The following SAMD9 variants were observed in gnomAD, a reference collection of about 807,000 sequenced individuals.
SAMD9 encodes sterile alpha motif domain containing 9.
Under a neutral mutation model 1.5 loss-of-function variants are expected in SAMD9, and 3 were observed. The observed-to-expected ratio is 2.05, with a 90% CI of 0.93 to 5.29. The LOEUF (loss-of-function observed/expected upper bound fraction) is 5.29. Ranked by LOEUF, SAMD9 falls within the 30% of genes most tolerant of loss-of-function variation. The pLI is 0.02. For missense variants in SAMD9, 1,597 were observed against 1,820.8 expected (o/e 0.88, Z 2.24); for synonymous variants, 635 against 631.9 (o/e 1.00, Z -0.07).
intron 2 of SAMD9, among the ~76,000 whole-genome samples, chr7:93,113,076 A>G (rs1366943806): frequency 6.6e-6 from 1 of 152,222 alleles, no homozygotes; most frequent in Non-Finnish European, 1.5e-5. Flanking sequence ...ACAGTAACCA[A>G]AACAGCATGG....
In SAMD9 at chr7:93,102,299, A is replaced by G; in HGVS notation, c.3799T>C (p.Ser1267Pro). The change falls in exon 3 of 3, where the codon TCC becomes CCC. Residue 1267 changes from serine to proline, a missense_variant. Transcript: ENST00000379958. ...LTKLKFSLKK[S>P]FDFFDEYFVL... is the part of the protein sequence containing the mutation. ...AAGTATTCATCAAAAAAATCAAAGG[A>G]CTTTTTCAAAGAAAATTTCAATTTA... 1 of 1,611,390 alleles carries G rather than the reference A, an allele frequency of 6.2e-7. No homozygotes were observed. Among genetic ancestry groups the G allele is most frequent in the Non-Finnish European group, 8.5e-7 (1 of 1,177,910 alleles).
rs1323260181 is a variant in SAMD9, at chr7:93,104,449, T to A, written c.1649A>T (p.Asp550Val). The A allele has an allele frequency of 1.9e-6, 3 of 1,613,866 alleles. No homozygotes were observed. The highest frequency in any genetic ancestry group is 2.5e-6 in the Non-Finnish European group (3 of 1,179,870). The change falls in exon 3 of 3, where the codon GAT (aspartate) becomes GTT (valine). Residue 550 changes from aspartate to valine, a missense_variant. Physicochemically the swap from Asp to Val is radical, Grantham distance 152 (BLOSUM62 -3). This residue lies in a region of SAMD9 where 358 missense variants were observed against 460.4 expected (regional missense o/e 0.78). Transcript: ENST00000379958. ...CTCAATGAGGGGATCTCTTGGGTCA[T>A]CCACAGAGGACAGTAATAGAAATAC... ...LVVFLLLSSVDDPRDPLIETF... is the reference protein window; with the variant it reads ...LVVFLLLSSVVDPRDPLIETF...
intron 2 of SAMD9, among the ~76,000 whole-genome samples, chr7:93,110,106 C>A (rs1156532108): frequency 6.6e-6 from 1 of 152,222 alleles, no homozygotes; most frequent in African/African-American, 2.4e-5. Context: ...AACAGCAGAT[C>A]TCTTGGCAGA....
intron 2 of SAMD9, among the ~76,000 whole-genome samples, chr7:93,114,000 G>A (rs991084734): frequency 2.2e-4 from 33 of 152,188 alleles, no homozygotes; most frequent in Non-Finnish European, 3.1e-4. Context: ...ACATGCACAC[G>A]TATGTTTATT....
intron 2 of SAMD9, among the ~76,000 whole-genome samples, chr7:93,110,424 A>G (rs534325275): frequency 2.0e-5 from 3 of 152,334 alleles, no homozygotes; most frequent in South Asian, 4.1e-4. Flanking sequence ...ACCAGCTAAC[A>G]TCATAATGAC....
At chr7:93,112,807 C>A (rs915527585) in intron 2 of SAMD9, among the ~76,000 whole-genome samples, 1 of 152,096 alleles carries the variant, frequency 6.6e-6, no homozygotes, top group Non-Finnish European at 1.5e-5. Flanking sequence ...TAAAAGAGGA[C>A]ACAAACAAAT....
chr7:93,102,849 G>C lies in SAMD9; in HGVS notation c.3249C>G (p.Phe1083Leu). Residue 1083 changes from phenylalanine to leucine, a missense_variant, in exon 3 of 3, where the codon TTC (phenylalanine) becomes TTG (leucine). Physicochemically the swap from Phe to Leu is conservative, Grantham distance 22. Around this residue, in one of 6 missense-constraint regions of SAMD9, gnomAD observed 682 missense variants for 810.0 expected, o/e 0.84. Transcript: ENST00000379958. ...ESIHRFNPNA[F>L]ICQALARHFY... ...AATGTCTTGCCAACGCTTGGCAAAT[G>C]AATGCATTTGGGTTGAACCGATGGA... 6.2e-7 allele frequency: 1 copy of C among 1,613,842 alleles called. No individual in the cohort carries two copies. The highest frequency in any genetic ancestry group is 8.5e-7 in the Non-Finnish European group (1 of 1,179,804).
intron 1 of SAMD9, among the ~76,000 whole-genome samples, chr7:93,115,394 GCAA>G (rs750296373): frequency 1.3e-5 from 2 of 152,120 alleles, no homozygotes; most frequent in Non-Finnish European, 2.9e-5. Context: ...ACTGATACAG[GCAA>G]CAACATGAAT....
At position 93,111,303 on chromosome 7, in the gene SAMD9, A is replaced by G. The variant is rs192235281; in HGVS notation, c.-9+3492T>C. 1.2e-3 allele frequency among the ~76,000 whole-genome samples: 181 copies of G among 152,372 alleles called. 1 individual carries two copies. The highest frequency in any genetic ancestry group is 4.2e-3 in the African/African-American group (173 of 41,582). On this transcript the variant is annotated intron_variant, in intron 2 of 2. Coordinates refer to ENST00000379958, the MANE Select transcript of SAMD9 (RefSeq NM_017654.4). The stretch of plus-strand genomic sequence containing the variant: ...ACCAGAATCTCTGGGACACATTTAA[A>G]GCAGTGTGTCGAGGGAAATTTATAC...
At position 93,101,726 on chromosome 7, in the gene SAMD9, G is replaced by A; in HGVS notation, c.4372C>T (p.Gln1458Ter). Reference sequence around the variant, plus strand: ...CCCTTGAAAGAATTTTTTAGTGCTTGAGCATACTCTTTCATTTGTTCAGAA... The same window carrying A: ...CCCTTGAAAGAATTTTTTAGTGCTTAAGCATACTCTTTCATTTGTTCAGAA... ...QHSEQMKEYA[Q>*]ALKNSFKGQY... is the part of the protein sequence containing the mutation. The change falls in exon 3 of 3, where the codon CAA becomes TAA. Residue 1458 changes from glutamine (Q) to a stop codon, truncating the protein, a stop_gained. Coordinates refer to ENST00000379958, the MANE Select transcript of SAMD9 (RefSeq NM_017654.4). LOFTEE classifies it low-confidence loss of function (END_TRUNC). The A allele has an allele frequency of 1.2e-6, 2 of 1,613,766 alleles. No individual in the cohort carries two copies. The highest frequency in any genetic ancestry group is 1.1e-5 in the South Asian group (1 of 91,068).
At position 93,104,036 on chromosome 7, in the gene SAMD9, T is replaced by G. The variant is rs778499845; in HGVS notation, c.2062A>C (p.Lys688Gln). Residue 688 changes from lysine to glutamine, a missense_variant, in exon 3 of 3, where the codon AAA becomes CAA. Lys to Gln is a moderately conservative substitution (Grantham distance 53). This residue lies in a region of SAMD9 where 358 missense variants were observed against 460.4 expected (regional missense o/e 0.78). Transcript: ENST00000379958. ...SKEEDFYRGGKVSWWNFYFSS... is the reference protein window; with the variant it reads ...SKEEDFYRGGQVSWWNFYFSS... ...AAGTAGAAGTTCCACCATGACACTT[T>G]GCCACCTCGATAGAAGTCTTCCTCT... 5.0e-6 allele frequency: 8 copies of G among 1,614,034 alleles called. No individual in the cohort carries two copies. Among genetic ancestry groups the G allele is most frequent in the Non-Finnish European group, 6.8e-6 (8 of 1,179,894 alleles).
rs560465931 is a variant in SAMD9, at chr7:93,108,628, A to T, written c.-8-2523T>A. Among the ~76,000 whole-genome samples, 9 of 152,334 alleles carry T rather than the reference A, an allele frequency of 5.9e-5. No individual in the cohort carries two copies. The South Asian group carries it at 1.5e-3, about 25-fold the overall frequency. On this transcript the variant is annotated intron_variant, in intron 2 of 2. Coordinates refer to ENST00000379958, the MANE Select transcript of SAMD9 (RefSeq NM_017654.4). ...AATACTGTGCTGTTCCAATGGTCTT[A>T]GCAAACAGCACACCAGAAGATTATA...
At position 93,101,244 on chromosome 7, in the gene SAMD9, T is replaced by A. The variant is rs1791521505; in HGVS notation, c.*84A>T. On this transcript the variant is annotated 3_prime_UTR_variant, in exon 3 of 3. Coordinates refer to ENST00000379958, the MANE Select transcript of SAMD9 (RefSeq NM_017654.4). Reference sequence around the variant, plus strand: ...AGAGCTAGAGGCTGTATCTATAACCTTGCCGGTTTAAAGCATAGATCTTGA... The same window carrying A: ...AGAGCTAGAGGCTGTATCTATAACCATGCCGGTTTAAAGCATAGATCTTGA... 5.7e-6 allele frequency: 6 copies of A among 1,044,618 alleles called. No individual in the cohort carries two copies. The highest frequency in any genetic ancestry group is 8.9e-6 in the Non-Finnish European group (6 of 672,888). The allele number at this position is 1,044,618 out of a possible 1,614,324, so 64.7% of individuals were successfully genotyped here.
chr7:93,102,059 G>A lies in SAMD9; in HGVS notation c.4039C>T (p.Leu1347Phe), dbSNP rs749496405. The A allele has an allele frequency of 1.9e-6, 3 of 1,613,026 alleles. No individual in the cohort carries two copies. The highest frequency in any genetic ancestry group is 2.2e-5 in the South Asian group (2 of 91,084). The change falls in exon 3 of 3, where the codon CTC becomes TTC. Residue 1347 changes from leucine (L) to phenylalanine (F), a missense_variant. Leu to Phe is a conservative substitution (Grantham distance 22, BLOSUM62 0). This residue lies in a region of SAMD9 where 682 missense variants were observed against 810.0 expected (regional missense o/e 0.84). Coordinates refer to ENST00000379958, the MANE Select transcript of SAMD9 (RefSeq NM_017654.4). Reference protein sequence around the residue: ...VALKADKFSGLLEYLIKSQED... With the variant: ...VALKADKFSGFLEYLIKSQED... ...TGACTTTTGATAAGATATTCCAAGAGCCCAGAAAACTTGTCTGCTTTTAAA... is the reference window on the plus strand; with the variant it reads ...TGACTTTTGATAAGATATTCCAAGAACCCAGAAAACTTGTCTGCTTTTAAA...
At position 93,108,458 on chromosome 7, in the gene SAMD9, A is replaced by G. The variant is rs1336201156; in HGVS notation, c.-8-2353T>C. Among the ~76,000 whole-genome samples, 5 of 152,278 alleles carry G rather than the reference A, an allele frequency of 3.3e-5. No homozygotes were observed. In the East Asian group the frequency reaches 7.7e-4, roughly 24 times the overall value. ...AGTTCATCTCACTGGGGCTTGTTGG[A>G]CAGTGGGTGCAGTCCAAGTAGTGTG... On this transcript the variant is annotated intron_variant, in intron 2 of 2. Transcript: ENST00000379958.
At chr7:93,109,651 G>A (rs1471026836) in intron 2 of SAMD9, among the ~76,000 whole-genome samples, 2 of 152,152 alleles carry the variant, frequency 1.3e-5, no homozygotes, top group African/African-American at 2.4e-5. Flanking sequence ...CAAGAACTAC[G>A]TGACGCATGC....
At chr7:93,115,827 A>T (rs1477929027) in intron 1 of SAMD9, among the ~76,000 whole-genome samples, 1 of 152,190 alleles carries the variant, frequency 6.6e-6, no homozygotes, top group East Asian at 1.9e-4. Context: ...GGTGTTTATT[A>T]TTGCAGTCTC....
In SAMD9 at chr7:93,104,418, G is replaced by A. The variant is rs1791593764; in HGVS notation, c.1680C>T (p.Phe560=). The A allele has an allele frequency of 6.2e-7, 1 of 1,613,842 alleles. No homozygotes were observed. The highest frequency in any genetic ancestry group is 1.7e-5 in the Admixed American group (1 of 60,000). The change falls in exon 3 of 3, where the codon TTC becomes TTT. Residue 560 remains phenylalanine (F), a synonymous_variant. Coordinates refer to ENST00000379958, the MANE Select transcript of SAMD9 (RefSeq NM_017654.4). Reference sequence around the variant, plus strand: ...CTTTGAGATCCTGGTAGAAAGCACAGAAAGTCTCAATGAGGGGATCTCTTG... The same window carrying A: ...CTTTGAGATCCTGGTAGAAAGCACAAAAAGTCTCAATGAGGGGATCTCTTG... The part of the protein sequence containing the change: ...DDPRDPLIET[F]CAFYQDLKGM...
chr7:93,112,674 G>A (rs1318848508), intron 2 of SAMD9, among the ~76,000 whole-genome samples: 3 of 152,104 alleles, frequency 2.0e-5, no homozygotes, highest in African/African-American at 4.8e-5. Context: ...CAAACAGAGA[G>A]CCAAATGATG....
Sources: allele counts gnomAD v4.1 joint callset (sites outside exome capture counted in the v4.1 genomes callset), GRCh38; gene constraint gnomAD v4.1.1; regional missense constraint gnomAD v4.1.1; transcripts MANE v1.5; gene names NCBI Gene and HGNC (gene_info 2026-07-23, HGNC 2026-07-21).